PROS1: variants seen among roughly 807,000 people sequenced by gnomAD.
PROS1 encodes protein S, also known as vitamin K-dependent protein S.
A neutral mutation model predicts 75.9 loss-of-function variants in PROS1; 29 were observed. That is an observed-to-expected ratio of 0.38 (90% confidence interval 0.28 to 0.52). The LOEUF is 0.52. Ranked by LOEUF, PROS1 falls within the 20% of genes least tolerant of loss-of-function variation. The pLI, the probability that PROS1 is intolerant of heterozygous loss-of-function variation, is 0.83. For synonymous variants in PROS1, 245 were observed against 280.6 expected, an observed-to-expected ratio of 0.87 and a Z score of 1.27; for missense variants, 680 against 810.3, an observed-to-expected ratio of 0.84 and a Z score of 1.95.
At chr3:93,882,935 T>C (rs1471720372) in intron 12 of PROS1, among the ~76,000 whole-genome samples, 1 of 152,152 alleles carries the variant, frequency 6.6e-6, no homozygotes, top group East Asian at 1.9e-4. Context: ...AGGACACATA[T>C]GAAGACTCAT....
intron 14 of PROS1, among the ~76,000 whole-genome samples, chr3:93,875,402 C>T (rs1352589240): frequency 6.6e-6 from 1 of 152,090 alleles, no homozygotes; most frequent in Non-Finnish European, 1.5e-5. Flanking sequence ...CACTCTTTCT[C>T]TCAAGACATT....
intron 3 of PROS1, among the ~76,000 whole-genome samples, chr3:93,923,230 T>A (rs1460777939): frequency 6.6e-6 from 1 of 152,154 alleles, no homozygotes; most frequent in Non-Finnish European, 1.5e-5. Context: ...AGGATAAAAT[T>A]ATGAAAAATA....
intron 1 of PROS1, among the ~76,000 whole-genome samples, chr3:93,928,982 T>G (rs561791962): frequency 2.0e-5 from 3 of 152,346 alleles, no homozygotes; most frequent in African/African-American, 7.2e-5. Flanking sequence ...CATGCATTCT[T>G]GTACACTGGT....
At chr3:93,878,832 A>G (rs1236020340) in intron 13 of PROS1, among the ~76,000 whole-genome samples, 1 of 152,196 alleles carries the variant, frequency 6.6e-6, no homozygotes, top group African/African-American at 2.4e-5. Context: ...CAACACATAA[A>G]GTATTCTTAA....
intron 1 of PROS1, among the ~76,000 whole-genome samples, chr3:93,963,789 G>C (rs1354039507): frequency 6.6e-6 from 1 of 152,066 alleles, no homozygotes; most frequent in African/African-American, 2.4e-5. Context: ...CTAGGGGCTG[G>C]TGCTAAGTTA....
chr3:93,973,278 G>A (rs576897591), intron 1 of PROS1, among the ~76,000 whole-genome samples: 1 of 152,146 alleles, frequency 6.6e-6, no homozygotes, highest in East Asian at 1.9e-4. Flanking sequence ...GTGCAGGTTG[G>A]GGGCAGGCGC....
intron 1 of PROS1, among the ~76,000 whole-genome samples, chr3:93,942,268 G>C (rs949439282): frequency 6.6e-6 from 1 of 152,090 alleles, no homozygotes; most frequent in African/African-American, 2.4e-5. Context: ...CTCTTGCAAA[G>C]GGACTACACA....
chr3:93,909,741 T>C (rs1365638547), intron 4 of PROS1, among the ~76,000 whole-genome samples: 1 of 152,140 alleles, frequency 6.6e-6, no homozygotes, highest in African/African-American at 2.4e-5. Context: ...TTTTTGTTGT[T>C]AAATAAATAA....
rs1413654705 is a variant in PROS1, at chr3:93,971,392, TA to T, written c.76+2281del. ...ATAAATAAATAAATAAATAAATAAA[TA>T]AATAAATAATTCTAAATAAAGAACT... is the stretch of plus-strand genomic sequence containing the variant. On this transcript the variant is annotated intron_variant, in intron 1 of 14. Transcript: ENST00000394236. 7.0e-4 allele frequency among the ~76,000 whole-genome samples: 103 copies of T among 148,144 alleles called. 2 individuals carry two copies. The highest frequency in any genetic ancestry group is 3.5e-3 in the Middle Eastern group (1 of 284).
At position 93,947,329 on chromosome 3, in the gene PROS1, T is replaced by C. The variant is rs549867457; in HGVS notation, c.77-19922A>G. Among the ~76,000 whole-genome samples, 388 of 152,200 alleles carry C rather than the reference T, an allele frequency of 2.5e-3. 1 individual carries two copies. Among genetic ancestry groups the C allele is most frequent in the African/African-American group, 8.8e-3 (367 of 41,544 alleles). On this transcript the variant is annotated intron_variant, in intron 1 of 14. Coordinates refer to ENST00000394236, the MANE Select transcript of PROS1 (RefSeq NM_000313.4). Reference sequence around the variant, plus strand: ...GCATCACATTAACTATACAACTCCATTCAGAATAACAAAACAGTTTAAGTC... The same window carrying C: ...GCATCACATTAACTATACAACTCCACTCAGAATAACAAAACAGTTTAAGTC...
intron 11 of PROS1, 142 bp downstream of exon 11, chr3:93,886,193 AT>A: frequency 1.4e-6 from 1 of 694,784 alleles, no homozygotes; most frequent in Non-Finnish European, 2.5e-6. Flanking sequence ...TACTAATGTT[AT>A]TTTTCCATGA....
chr3:93,948,033 A>C (rs978299518), intron 1 of PROS1, among the ~76,000 whole-genome samples: 2 of 152,204 alleles, frequency 1.3e-5, no homozygotes, highest in African/African-American at 4.8e-5. Context: ...TGTTGGGGAA[A>C]CAGATGTAAA....
At chr3:93,956,634 G>C (rs1709608471) in intron 1 of PROS1, among the ~76,000 whole-genome samples, 2 of 150,614 alleles carry the variant, frequency 1.3e-5, no homozygotes, top group South Asian at 4.2e-4. Flanking sequence ...GGATACACAA[G>C]GGTACATTAA....
At chr3:93,935,285 A>T (rs1408939050) in intron 1 of PROS1, among the ~76,000 whole-genome samples, 1 of 152,114 alleles carries the variant, frequency 6.6e-6, no homozygotes, top group East Asian at 1.9e-4. Context: ...GGTCTTTTTC[A>T]TGACATGCAG....
At chr3:93,952,118 C>A (rs1482866265) in intron 1 of PROS1, among the ~76,000 whole-genome samples, 2 of 152,108 alleles carry the variant, frequency 1.3e-5, no homozygotes, top group African/African-American at 4.8e-5. Flanking sequence ...CTTAGACTCC[C>A]ACACAATAAT....
chr3:93,892,922 T>G lies in PROS1; in HGVS notation c.1155+11A>C. ...AAAGTGGGAAGATATTGATGAAATC[T>G]GCAAACGTACCATATTCCATAGACC... On this transcript the variant is annotated intron_variant, in intron 10 of 14. Transcript: ENST00000394236. 6.2e-7 allele frequency: 1 copy of G among 1,608,074 alleles called. No individual in the cohort carries two copies. Among genetic ancestry groups the G allele is most frequent in the African/African-American group, 1.3e-5 (1 of 74,886 alleles).
intron 1 of PROS1, among the ~76,000 whole-genome samples, chr3:93,972,860 C>A (rs1709900517): frequency 6.6e-6 from 1 of 151,850 alleles, no homozygotes; most frequent in South Asian, 2.1e-4. Flanking sequence ...AACAAACAAA[C>A]AAAAAGGCGT....
chr3:93,965,361 A>G (rs1023888694), intron 1 of PROS1, among the ~76,000 whole-genome samples: 1 of 152,204 alleles, frequency 6.6e-6, no homozygotes, highest in Non-Finnish European at 1.5e-5. Flanking sequence ...CTCCTGATCC[A>G]GCGAGGCGCC....
At chr3:93,923,759 G>A (rs1708977444) in intron 3 of PROS1, among the ~76,000 whole-genome samples, 4 of 152,126 alleles carry the variant, frequency 2.6e-5, no homozygotes, top group African/African-American at 7.2e-5. Context: ...AATTAGCTGG[G>A]TGTGGTGGCA....
Sources: gnomAD v4.1 joint callset for allele counts (sites outside exome capture counted in the v4.1 genomes callset) on GRCh38, gnomAD v4.1.1 for gene constraint, MANE v1.5 for transcripts, NCBI Gene and HGNC (gene_info 2026-07-23, HGNC 2026-07-21) for gene names.